Variants in MCUB observed in about 807,000 individuals in gnomAD.
MCUB encodes the protein calcium uniporter regulatory subunit MCUb, mitochondrial.
Under a neutral mutation model 41.4 loss-of-function variants are expected in MCUB, and 46 were observed. The ratio of observed to expected loss-of-function variants is 1.11; its 90% CI spans 0.88 to 1.42. MCUB has a LOEUF of 1.42. Among genes scored for constraint, MCUB ranks in the 40% most tolerant of loss-of-function variants. The pLI is 0.00. For synonymous variants in MCUB, 148 were observed against 148.2 expected (o/e 1.00, Z 0.01); for missense variants, 403 against 404.9 (o/e 1.00, Z 0.04).
intron 1 of MCUB, among the ~76,000 whole-genome samples, chr4:109,634,415 G>A (rs997933287): frequency 2.6e-5 from 4 of 151,636 alleles, no homozygotes; most frequent in South Asian, 2.1e-4. Flanking sequence ...CCTGGGAGGC[G>A]GAGGTTGCAG....
chr4:109,671,717 G>T (rs954240070), intron 4 of MCUB, among the ~76,000 whole-genome samples: 1 of 152,116 alleles, frequency 6.6e-6, no homozygotes, highest in Non-Finnish European at 1.5e-5. Flanking sequence ...ATCAGAGCCT[G>T]GTTCTGATGC....
chr4:109,660,191 A>G lies in MCUB; in HGVS notation c.176-4A>G. On this transcript the variant is annotated splice_region_variant and splice_polypyrimidine_tract_variant and intron_variant, in intron 2 of 7. Coordinates refer to ENST00000394650, the MANE Select transcript of MCUB (RefSeq NM_017918.5). ...TCATTTTTTTTTCTTTTTTTCCTTA[A>G]CAGAAATAACAGTTATTTATAGACA... 7.1e-7 allele frequency: 1 copy of G among 1,411,112 alleles called. No individual in the cohort carries two copies. Among genetic ancestry groups the G allele is most frequent in the Non-Finnish European group, 9.6e-7 (1 of 1,043,310 alleles). 87.4% of individuals were successfully genotyped at this position (1,411,112 alleles called of 1,614,324 possible). A position where few individuals can be genotyped will look rare whatever the true frequency, so the allele number is the denominator to read the frequency against.
intron 4 of MCUB, among the ~76,000 whole-genome samples, chr4:109,677,112 A>G (rs1489600078): frequency 6.6e-6 from 1 of 152,262 alleles, no homozygotes; most frequent in Non-Finnish European, 1.5e-5. Flanking sequence ...ACAAGGTGGC[A>G]TATGAATTCA....
rs111943469 is a variant in MCUB, at chr4:109,658,301, A to AT, written c.100-697dup. 4.5e-3 allele frequency among the ~76,000 whole-genome samples: 642 copies of AT among 144,188 alleles called. 4 individuals carry two copies. Among genetic ancestry groups the AT allele is most frequent in the African/African-American group, 0.012 (482 of 39,390 alleles). The allele number at this position is 144,188 out of a possible 152,430, so 94.6% of individuals were successfully genotyped here. A position where few individuals can be genotyped will look rare whatever the true frequency, so the allele number is the denominator to read the frequency against. On this transcript the variant is annotated intron_variant, in intron 1 of 7. Transcript: ENST00000394650. ...ATCTGGTCTGAATCTGTGATTCTGC[A>AT]TTTTTTTTTTTTTAAGACAGAGTTT...
intron 1 of MCUB, among the ~76,000 whole-genome samples, chr4:109,654,472 G>T (rs1297282270): frequency 6.6e-6 from 1 of 152,070 alleles, no homozygotes; most frequent in Non-Finnish European, 1.5e-5. Context: ...TTAGCTGGGT[G>T]TCGTGGTGGG....
At chr4:109,592,689 T>C (rs1727465818) in intron 1 of MCUB, among the ~76,000 whole-genome samples, 1 of 152,292 alleles carries the variant, frequency 6.6e-6, no homozygotes, top group East Asian at 1.9e-4. Flanking sequence ...AAAAAGTAAA[T>C]CTACTCTAGT....
intron 1 of MCUB, among the ~76,000 whole-genome samples, chr4:109,640,902 T>C (rs1005383599): frequency 6.6e-6 from 1 of 152,256 alleles, no homozygotes; most frequent in Non-Finnish European, 1.5e-5. Flanking sequence ...ACCTCAGCTT[T>C]TGACGTGCCT....
chr4:109,582,332 A>G (rs1475536774), intron 1 of MCUB, among the ~76,000 whole-genome samples: 3 of 136,664 alleles, frequency 2.2e-5, no homozygotes, highest in African/African-American at 8.2e-5. Context: ...AACAATGAGA[A>G]CACATGGACA....
chr4:109,594,215 A>G (rs1382640717), intron 1 of MCUB, among the ~76,000 whole-genome samples: 2 of 152,218 alleles, frequency 1.3e-5, no homozygotes, highest in African/African-American at 4.8e-5. Flanking sequence ...CTACGTGGAT[A>G]TTGGGCATTC....
intron 1 of MCUB, among the ~76,000 whole-genome samples, chr4:109,637,518 G>A (rs1250561380): frequency 1.3e-5 from 2 of 152,154 alleles, no homozygotes; most frequent in African/African-American, 4.8e-5. Flanking sequence ...CAATCAACAA[G>A]TGAATAAAGA....
chr4:109,579,577 C>A (rs1446746713), intron 1 of MCUB, among the ~76,000 whole-genome samples: 5 of 152,136 alleles, frequency 3.3e-5, no homozygotes, highest in Admixed American at 6.5e-5. Context: ...TGCACTTAAT[C>A]TAGGGTGCTA....
At chr4:109,560,887 C>A (rs6533436) in intron 1 of MCUB, 13,760 of 154,606 alleles carry the variant, frequency 0.089, 1,959 homozygotes, top group African/African-American at 0.3. Flanking sequence ...CAGTGACCGT[C>A]CCGGGTGTGG....
chr4:109,632,306 C>T (rs935615085), intron 1 of MCUB, among the ~76,000 whole-genome samples: 8 of 152,112 alleles, frequency 5.3e-5, no homozygotes, highest in South Asian at 2.1e-4. Context: ...GTTTGCTGAA[C>T]GCTGGTTCAG....
chr4:109,627,027 A>G (rs1207758207), intron 1 of MCUB, among the ~76,000 whole-genome samples: 2 of 152,236 alleles, frequency 1.3e-5, no homozygotes, highest in African/African-American at 4.8e-5. Context: ...GACAAAATAT[A>G]GGCATTAATA....
chr4:109,682,495 T>A (rs1374946355), intron 4 of MCUB, 87 bp from the exon 5 acceptor site: 2 of 1,064,294 alleles, frequency 1.9e-6, no homozygotes, highest in Non-Finnish European at 2.8e-6. Context: ...AAGATAATAT[T>A]TGGAAAGAGA....
chr4:109,679,787 TTTGTTGTTGTTGTTG>T (rs377253519), intron 4 of MCUB, among the ~76,000 whole-genome samples: 1,654 of 151,662 alleles, frequency 0.011, 34 homozygotes, highest in African/African-American at 0.038. Context: ...GAGGTATAAT[TTTGTTGTTGTTGTTG>T]TTGTTGTTGT....
intron 1 of MCUB, among the ~76,000 whole-genome samples, chr4:109,653,613 G>A (rs1729012505): frequency 6.6e-6 from 1 of 152,104 alleles, no homozygotes; most frequent in African/African-American, 2.4e-5. Flanking sequence ...TTTCACTCTT[G>A]TTGCCCAGGC....
intron 1 of MCUB, among the ~76,000 whole-genome samples, chr4:109,602,653 T>C (rs1727769848): frequency 6.6e-6 from 1 of 152,216 alleles, no homozygotes. Context: ...TTCTCCAGTT[T>C]TGTTCTTTTT....
intron 1 of MCUB, among the ~76,000 whole-genome samples, chr4:109,652,647 C>T (rs1189179149): frequency 6.6e-6 from 1 of 152,102 alleles, no homozygotes; most frequent in East Asian, 1.9e-4. Context: ...GGCATCAATC[C>T]ATTTATGAAG....
Sources: gnomAD v4.1 joint callset for allele counts (sites outside exome capture counted in the v4.1 genomes callset) on GRCh38, gnomAD v4.1.1 for gene constraint, MANE v1.5 for transcripts, NCBI Gene and HGNC (gene_info 2026-07-23, HGNC 2026-07-21) for gene names.